Variants in MEIKIN observed in about 807,000 individuals in gnomAD.
The protein encoded by MEIKIN is meiotic kinetochore factor.
chr5:131,937,545 T>C (rs1255183695), intron 4 of MEIKIN, among the ~76,000 whole-genome samples: 1 of 151,654 alleles, frequency 6.6e-6, no homozygotes, highest in Non-Finnish European at 1.5e-5. Context: ...GAGTCACCTT[T>C]CCCCCGAGAA....
At chr5:131,845,064 A>C (rs1749988387) in intron 11 of MEIKIN, among the ~76,000 whole-genome samples, 1 of 152,052 alleles carries the variant, frequency 6.6e-6, no homozygotes, top group Non-Finnish European at 1.5e-5. Context: ...AGGTCAGGAG[A>C]TCGAGACCAT....
rs531499167 is a variant in MEIKIN at position 131,825,892 on chromosome 5, G to A, written c.976-7029C>T. ...ATTAGGACAACTGTAACTGCCACAT[G>A]TAAGTCAAAAGACAGTGGAATGATA... is the stretch of plus-strand genomic sequence containing the variant. On this transcript the variant is annotated intron_variant, in intron 11 of 12. Coordinates refer to ENST00000442687, the MANE Select transcript of MEIKIN (RefSeq NM_001303622.2). 2.0e-5 allele frequency among the ~76,000 whole-genome samples: 3 copies of A among 152,262 alleles called. No individual in the cohort carries two copies. The East Asian group carries it at 5.8e-4, about 29-fold the overall frequency.
chr5:131,838,201 C>T (rs1749843606), intron 11 of MEIKIN, among the ~76,000 whole-genome samples: 1 of 152,108 alleles, frequency 6.6e-6, no homozygotes, highest in Admixed American at 6.5e-5. Context: ...AGGGATAAAG[C>T]CTACTTAATT....
chr5:131,810,057 G>A (rs1772924254), intron 12 of MEIKIN, among the ~76,000 whole-genome samples: 1 of 152,180 alleles, frequency 6.6e-6, no homozygotes, highest in Admixed American at 6.5e-5. Flanking sequence ...TTTAAGGAAT[G>A]TGCTTATGTA....
intron 9 of MEIKIN, among the ~76,000 whole-genome samples, chr5:131,873,833 A>C (rs1166976404): frequency 6.6e-6 from 1 of 152,248 alleles, no homozygotes; most frequent in Admixed American, 6.5e-5. Flanking sequence ...ACTCATGATT[A>C]AGAAACTCAC....
At chr5:131,898,435 G>A (rs921565521) in intron 8 of MEIKIN, among the ~76,000 whole-genome samples, 1 of 152,228 alleles carries the variant, frequency 6.6e-6, no homozygotes, top group Non-Finnish European at 1.5e-5. Flanking sequence ...ACGCTGTGCT[G>A]GGAGAACTGC....
intron 8 of MEIKIN, among the ~76,000 whole-genome samples, chr5:131,894,512 T>C (rs892307130): frequency 7.9e-5 from 12 of 152,214 alleles, no homozygotes; most frequent in African/African-American, 2.4e-4. Flanking sequence ...TTCATGATAT[T>C]GATTCTTCCT....
At chr5:131,835,593 G>A (rs533308282) in intron 11 of MEIKIN, among the ~76,000 whole-genome samples, 1 of 151,972 alleles carries the variant, frequency 6.6e-6, no homozygotes, top group African/African-American at 2.4e-5. Flanking sequence ...GTATATATCT[G>A]TCTTTTTTTT....
At chr5:131,940,619 T>C (rs1425475336) in intron 4 of MEIKIN, among the ~76,000 whole-genome samples, 1 of 152,184 alleles carries the variant, frequency 6.6e-6, no homozygotes, top group African/African-American at 2.4e-5. Context: ...TCTGTTTATA[T>C]GGCAGTAAGT....
intron 4 of MEIKIN, among the ~76,000 whole-genome samples, chr5:131,939,097 T>G (rs1751829141): frequency 6.6e-6 from 1 of 152,174 alleles, no homozygotes; most frequent in South Asian, 2.1e-4. Flanking sequence ...TAATTCCCTT[T>G]CCTCCCCGGC....
intron 11 of MEIKIN, among the ~76,000 whole-genome samples, chr5:131,848,858 G>GGTTC (rs1157593503): frequency 6.6e-6 from 1 of 152,020 alleles, no homozygotes; most frequent in East Asian, 1.9e-4. Context: ...ATGCAAGGAT[G>GGTTC]GTTCAACATA....
At chr5:131,891,551 T>C (rs996891182) in intron 8 of MEIKIN, among the ~76,000 whole-genome samples, 2 of 152,208 alleles carry the variant, frequency 1.3e-5, no homozygotes, top group Non-Finnish European at 2.9e-5. Flanking sequence ...CCTGCCTTTT[T>C]TTGTTTTCCA....
intron 5 of MEIKIN, among the ~76,000 whole-genome samples, chr5:131,923,696 A>G (rs1013352923): frequency 2.0e-5 from 3 of 151,886 alleles, no homozygotes; most frequent in Admixed American, 6.6e-5. Flanking sequence ...TCTTATCTCA[A>G]TGAAGATTTT....
intron 6 of MEIKIN, among the ~76,000 whole-genome samples, chr5:131,920,824 CTT>C (rs1340890766): frequency 6.6e-6 from 1 of 152,050 alleles, no homozygotes; most frequent in Non-Finnish European, 1.5e-5. Flanking sequence ...ACCTCAGCCT[CTT>C]GAGTAGCTGG....
At chr5:131,925,807 T>C (rs181820139) in intron 5 of MEIKIN, among the ~76,000 whole-genome samples, 1 of 152,244 alleles carries the variant, frequency 6.6e-6, no homozygotes, top group East Asian at 1.9e-4. Flanking sequence ...TAGCTGGGAC[T>C]ACAGGCACCT....
chr5:131,822,395 T>A (rs573035194), intron 11 of MEIKIN, among the ~76,000 whole-genome samples: 1 of 152,276 alleles, frequency 6.6e-6, no homozygotes, highest in East Asian at 1.9e-4. Flanking sequence ...GTTTTCCTTT[T>A]AGTGAAGATG....
chr5:131,922,352 T>C (rs908419418), intron 5 of MEIKIN, among the ~76,000 whole-genome samples: 2 of 152,128 alleles, frequency 1.3e-5, no homozygotes, highest in South Asian at 4.1e-4. Flanking sequence ...AGGAAAAAAA[T>C]TGCATCCATA....
At chr5:131,862,183 T>C (rs1338371672) in intron 9 of MEIKIN, among the ~76,000 whole-genome samples, 1 of 152,160 alleles carries the variant, frequency 6.6e-6, no homozygotes, top group Admixed American at 6.5e-5. Context: ...TCTTGGTAGG[T>C]TGTATGTTTC....
chr5:131,884,902 T>C (rs1294004892), intron 8 of MEIKIN, among the ~76,000 whole-genome samples: 1 of 152,012 alleles, frequency 6.6e-6, no homozygotes, highest in Non-Finnish European at 1.5e-5. Flanking sequence ...GTATTCCCCA[T>C]GGGCCTGTGG....
Sources: gnomAD v4.1 joint callset for allele counts (sites outside exome capture counted in the v4.1 genomes callset) on GRCh38, gnomAD v4.1.1 for gene constraint, MANE v1.5 for transcripts, NCBI Gene and HGNC (gene_info 2026-07-23, HGNC 2026-07-21) for gene names.